Variants in FOXN3 observed in about 807,000 individuals in gnomAD.
FOXN3 encodes the protein forkhead box protein N3.
FOXN3 carries 7 observed loss-of-function variants against 38.4 expected under a neutral mutation model. The ratio of observed to expected loss-of-function variants is 0.18; its 90% CI spans 0.10 to 0.34. The LOEUF (loss-of-function observed/expected upper bound fraction) is 0.34, where lower values mean the gene tolerates loss of function less well. FOXN3 is among the 10% of genes least tolerant of loss of function. FOXN3 has a pLI of 1.00. For synonymous variants in FOXN3, 230 were observed against 242.2 expected (o/e 0.95, Z 0.47); for missense variants, 456 against 613.4 (o/e 0.74, Z 2.71).
chr14:89,170,138 C>G (rs1887349922), intron 5 of FOXN3, among the ~76,000 whole-genome samples: 1 of 152,174 alleles, frequency 6.6e-6, no homozygotes, highest in Admixed American at 6.5e-5. Flanking sequence ...ATTCAACAGT[C>G]TAAGGATTCA....
At chr14:89,472,593 C>T (rs370988615) in intron 1 of FOXN3, among the ~76,000 whole-genome samples, 3 of 151,172 alleles carry the variant, frequency 2.0e-5, no homozygotes, top group Non-Finnish European at 4.4e-5. Flanking sequence ...TGGTGGCGGA[C>T]GCCTGCAGTC....
chr14:89,326,153 T>C (rs575945730), intron 3 of FOXN3, among the ~76,000 whole-genome samples: 2 of 152,268 alleles, frequency 1.3e-5, no homozygotes, highest in African/African-American at 2.4e-5. Context: ...TGGAGCTAAG[T>C]AAAGAACAAA....
At chr14:89,338,480 CAT>C (rs1291279859) in intron 3 of FOXN3, among the ~76,000 whole-genome samples, 1 of 143,532 alleles carries the variant, frequency 7.0e-6, no homozygotes, top group East Asian at 1.9e-4. Context: ...AATACAAAAC[CAT>C]ATATATAAGG....
intron 2 of FOXN3, among the ~76,000 whole-genome samples, chr14:89,358,333 A>G (rs1035295471): frequency 2.6e-5 from 4 of 152,198 alleles, no homozygotes; most frequent in Non-Finnish European, 5.9e-5. Flanking sequence ...AAAACCAGAG[A>G]AGGAGTTTTC....
chr14:89,515,691 G>A (rs755919960), intron 1 of FOXN3, among the ~76,000 whole-genome samples: 5 of 152,102 alleles, frequency 3.3e-5, no homozygotes, highest in South Asian at 2.1e-4. Context: ...AGCCGGGACC[G>A]TGCCACTGTA....
chr14:89,614,419 C>G (rs1896452274), intron 1 of FOXN3, among the ~76,000 whole-genome samples: 2 of 152,168 alleles, frequency 1.3e-5, no homozygotes, highest in African/African-American at 4.8e-5. Context: ...GGCCAGGGCT[C>G]TTTCATGCTT....
chr14:89,184,313 C>CA (rs1887747773), intron 4 of FOXN3, among the ~76,000 whole-genome samples: 1 of 152,160 alleles, frequency 6.6e-6, no homozygotes, highest in African/African-American at 2.4e-5. Flanking sequence ...AGGAGCAGAG[C>CA]AAATCCAAGT....
intron 1 of FOXN3, among the ~76,000 whole-genome samples, chr14:89,464,978 G>A (rs901127618): frequency 1.2e-4 from 19 of 152,236 alleles, no homozygotes; most frequent in African/African-American, 4.1e-4. Flanking sequence ...CTGCAGGCGT[G>A]AGCCACCGCA....
chr14:89,370,852 C>T (rs1890299004), intron 2 of FOXN3, among the ~76,000 whole-genome samples: 1 of 152,158 alleles, frequency 6.6e-6, no homozygotes, highest in African/African-American at 2.4e-5. Context: ...GGTGGTTACC[C>T]CCTTTAAGTA....
intron 1 of FOXN3, among the ~76,000 whole-genome samples, chr14:89,480,586 GA>G (rs935764391): frequency 5.5e-5 from 8 of 145,254 alleles, no homozygotes; most frequent in East Asian, 4.0e-4. Flanking sequence ...CATTCAGAGG[GA>G]AAAAAAAAAG....
chr14:89,239,158 T>C (rs1484844275), intron 4 of FOXN3, among the ~76,000 whole-genome samples: 2 of 152,188 alleles, frequency 1.3e-5, no homozygotes, highest in African/African-American at 4.8e-5. Context: ...GTGTTTCCTG[T>C]CAAGCCAGCG....
chr14:89,305,121 G>C (rs1294786860), intron 3 of FOXN3, among the ~76,000 whole-genome samples: 4 of 152,246 alleles, frequency 2.6e-5, no homozygotes, highest in Non-Finnish European at 4.4e-5. Flanking sequence ...ACGAGAGGAA[G>C]GCCTGGCCAG....
chr14:89,420,586 C>T (rs1891876861), upstream of FOXN3, among the ~76,000 whole-genome samples: 1 of 152,094 alleles, frequency 6.6e-6, no homozygotes, highest in African/African-American at 2.4e-5. Context: ...AACTGCTGTT[C>T]CAAGAGAAAT....
intron 4 of FOXN3, among the ~76,000 whole-genome samples, chr14:89,257,085 T>A (rs1780529644): frequency 6.6e-6 from 1 of 152,286 alleles, no homozygotes; most frequent in East Asian, 1.9e-4. Context: ...CTTAACCACC[T>A]ATCCTGCAGG....
At chr14:89,608,455 A>G (rs2139950181) in intron 1 of FOXN3, among the ~76,000 whole-genome samples, 1 of 152,252 alleles carries the variant, frequency 6.6e-6, no homozygotes, top group East Asian at 1.9e-4. Context: ...ATGCTATCTT[A>G]TAAAAACTTT....
At chr14:89,307,068 C>T (rs569035790) in intron 3 of FOXN3, among the ~76,000 whole-genome samples, 7 of 152,248 alleles carry the variant, frequency 4.6e-5, no homozygotes, top group East Asian at 1.9e-4. Context: ...TAACTTTAAA[C>T]GCGACCAAAA....
chr14:89,546,729 A>G (rs1217356603), intron 1 of FOXN3, among the ~76,000 whole-genome samples: 1 of 152,060 alleles, frequency 6.6e-6, no homozygotes, highest in African/African-American at 2.4e-5. Context: ...ATACATACAC[A>G]TTTTTATATA....
chr14:89,456,246 G>T (rs1264880216), intron 1 of FOXN3, among the ~76,000 whole-genome samples: 1 of 151,350 alleles, frequency 6.6e-6, no homozygotes, highest in African/African-American at 2.4e-5. Flanking sequence ...GGCCCTGCAG[G>T]TTCAAGGCTT....
At chr14:89,253,795 G>A (rs1885535282) in intron 4 of FOXN3, among the ~76,000 whole-genome samples, 1 of 151,972 alleles carries the variant, frequency 6.6e-6, no homozygotes, top group Non-Finnish European at 1.5e-5. Flanking sequence ...TCTCTTTCCT[G>A]AAATCCCCCA....
Sources: gnomAD v4.1 joint callset for allele counts (sites outside exome capture counted in the v4.1 genomes callset) on GRCh38, gnomAD v4.1.1 for gene constraint, MANE v1.5 for transcripts, NCBI Gene and HGNC (gene_info 2026-07-23, HGNC 2026-07-21) for gene names.